The following SLC35F4 variants were observed in gnomAD, a reference collection of about 807,000 sequenced individuals.
The protein encoded by SLC35F4 is chromosome 14 open reading frame 36.
A neutral mutation model predicts 44.2 loss-of-function variants in SLC35F4; 24 were observed. The observed-to-expected ratio is 0.54, with a 90% CI of 0.39 to 0.76. The LOEUF (loss-of-function observed/expected upper bound fraction) is 0.76. Ranked by LOEUF, SLC35F4 falls within the 30% of genes least tolerant of loss-of-function variation. SLC35F4 has a pLI of 0.00. For missense variants in SLC35F4, 562 were observed against 586.1 expected (o/e 0.96, Z 0.42); for synonymous variants, 238 against 223.6 (o/e 1.06, Z -0.57).
chr14:57,812,901 C>T (rs780627032), intron 1 of SLC35F4, among the ~76,000 whole-genome samples: 51 of 152,180 alleles, frequency 3.4e-4, no homozygotes, highest in Non-Finnish European at 4.0e-4. Flanking sequence ...CCGTGACCTT[C>T]CTCCCTGAGG....
Position 57,803,888 on chromosome 14 carries a change from A to G in SLC35F4, c.103+61835T>C, listed in dbSNP as rs137933505. Among the ~76,000 whole-genome samples, 845 of 152,138 alleles carry G rather than the reference A, an allele frequency of 5.6e-3. 13 individuals are homozygous for G. The highest frequency in any genetic ancestry group is 5.7e-3 in the Non-Finnish European group (388 of 67,974). On this transcript the variant is annotated intron_variant, in intron 1 of 7. Transcript: ENST00000556826. ...TACAGACGTGAGCCACCCAGTCCCA[A>G]AAGCTTCTTAAGCTGATAAGCAACC...
In SLC35F4 at chr14:57,670,783, C is replaced by G. The variant is rs139446063; in HGVS notation, c.104-76659G>C. 4.6e-3 allele frequency among the ~76,000 whole-genome samples: 705 copies of G among 151,636 alleles called. 5 individuals are homozygous for G. The highest frequency in any genetic ancestry group is 7.7e-3 in the Non-Finnish European group (520 of 67,956). ...AGTTGTGCATTTCCTTGGTGAAGAA[C>G]AAGCAGATCCAGGGATACCTATTCT... On this transcript the variant is annotated intron_variant, in intron 1 of 7. Coordinates refer to ENST00000556826, the MANE Select transcript of SLC35F4 (RefSeq NM_001306087.2).
intron 5 of SLC35F4, among the ~76,000 whole-genome samples, chr14:57,571,049 G>T (rs552454735): frequency 2.0e-5 from 3 of 152,150 alleles, no homozygotes; most frequent in Non-Finnish European, 4.4e-5. Context: ...CTGAGACACA[G>T]TGTTGGTTAA....
chr14:57,979,784 C>T (rs929384035), intron 1 of SLC35F4, among the ~76,000 whole-genome samples: 1 of 152,344 alleles, frequency 6.6e-6, no homozygotes, highest in South Asian at 2.1e-4. Context: ...TATGCCTTTG[C>T]ACTGGCTTTC....
At chr14:57,883,650 T>C (rs1888589356) in intron 1 of SLC35F4, among the ~76,000 whole-genome samples, 2 of 152,202 alleles carry the variant, frequency 1.3e-5, no homozygotes, top group African/African-American at 2.4e-5. Context: ...CTCTCTCTAT[T>C]TTGACTGAAT....
intron 1 of SLC35F4, among the ~76,000 whole-genome samples, chr14:57,604,659 G>A (rs753121988): frequency 3.3e-5 from 5 of 152,064 alleles, no homozygotes; most frequent in African/African-American, 1.2e-4. Context: ...GCAATCCTAA[G>A]CAAAAAGAAC....
chr14:57,594,390 T>C (rs2070371888), intron 1 of SLC35F4, among the ~76,000 whole-genome samples: 1 of 152,120 alleles, frequency 6.6e-6, no homozygotes, highest in African/African-American at 2.4e-5. Context: ...GGTTTCACAG[T>C]GTTGGCCAGG....
intron 1 of SLC35F4, among the ~76,000 whole-genome samples, chr14:57,956,070 A>T (rs994294179): frequency 6.6e-6 from 1 of 152,220 alleles, no homozygotes; most frequent in Non-Finnish European, 1.5e-5. Context: ...ACAAAACAGC[A>T]TGGTACTGGT....
chr14:57,701,848 C>T (rs895217925), intron 1 of SLC35F4, among the ~76,000 whole-genome samples: 5 of 152,024 alleles, frequency 3.3e-5, no homozygotes, highest in African/African-American at 7.2e-5. Flanking sequence ...AATATCTTAC[C>T]GTATTGTACT....
At chr14:57,699,897 G>C (rs1242588654) in intron 1 of SLC35F4, among the ~76,000 whole-genome samples, 1 of 152,138 alleles carries the variant, frequency 6.6e-6, no homozygotes, top group Non-Finnish European at 1.5e-5. Flanking sequence ...GAGTCCATGG[G>C]ATTTTTGTGC....
At chr14:57,918,810 G>A (rs527972354) in intron 1 of SLC35F4, among the ~76,000 whole-genome samples, 7 of 152,106 alleles carry the variant, frequency 4.6e-5, no homozygotes, top group Non-Finnish European at 7.4e-5. Flanking sequence ...TCCCAAGGAC[G>A]GCTTTGGAAA....
At chr14:57,892,741 C>A (rs17093847) in intron 1 of SLC35F4, among the ~76,000 whole-genome samples, 18,359 of 152,004 alleles carry the variant, frequency 0.12, 1,356 homozygotes, top group East Asian at 0.4. Context: ...GTACTCTTTA[C>A]AAAAGTCATG....
intron 1 of SLC35F4, among the ~76,000 whole-genome samples, chr14:57,620,670 A>T (rs1391117896): frequency 6.6e-6 from 1 of 152,146 alleles, no homozygotes; most frequent in East Asian, 1.9e-4. Flanking sequence ...TGTCATAGAT[A>T]GCTCTTATTA....
chr14:57,836,016 C>T (rs1884881744), intron 1 of SLC35F4, among the ~76,000 whole-genome samples: 1 of 152,164 alleles, frequency 6.6e-6, no homozygotes, highest in South Asian at 2.1e-4. Context: ...GAGAGGATGG[C>T]ACACTAGGAA....
intron 1 of SLC35F4, among the ~76,000 whole-genome samples, chr14:57,615,888 ATT>A (rs1424407574): frequency 6.6e-6 from 1 of 152,220 alleles, no homozygotes; most frequent in Admixed American, 6.5e-5. Context: ...TATACCAAAT[ATT>A]AGGATTCCTA....
At chr14:57,792,793 T>C (rs1372421519) in intron 1 of SLC35F4, among the ~76,000 whole-genome samples, 1 of 150,668 alleles carries the variant, frequency 6.6e-6, no homozygotes, top group Non-Finnish European at 1.5e-5. Context: ...GGGAGGGGGG[T>C]GAGGGATAAA....
chr14:57,938,784 G>C (rs1222109888), intron 1 of SLC35F4, among the ~76,000 whole-genome samples: 1 of 152,148 alleles, frequency 6.6e-6, no homozygotes, highest in African/African-American at 2.4e-5. Context: ...TTAGCCGCAA[G>C]ACCCTAGTGT....
intron 1 of SLC35F4, among the ~76,000 whole-genome samples, chr14:57,624,428 G>A (rs2072363404): frequency 6.6e-6 from 1 of 152,098 alleles, no homozygotes; most frequent in Non-Finnish European, 1.5e-5. Flanking sequence ...GAAAAAGAGG[G>A]AAGGAATCCT....
At chr14:57,773,639 A>T (rs1279014403) in intron 1 of SLC35F4, among the ~76,000 whole-genome samples, 1 of 145,010 alleles carries the variant, frequency 6.9e-6, no homozygotes, top group Non-Finnish European at 1.5e-5. Flanking sequence ...TAGATTTTTT[A>T]AAAGCAGAAA....
Sources: allele counts gnomAD v4.1 joint callset (sites outside exome capture counted in the v4.1 genomes callset), GRCh38; gene constraint gnomAD v4.1.1; transcripts MANE v1.5; gene names NCBI Gene and HGNC (gene_info 2026-07-23, HGNC 2026-07-21).